The following SDK1 variants were observed in gnomAD, a reference collection of about 807,000 sequenced individuals.
The protein encoded by SDK1 is protein sidekick-1.
A neutral mutation model predicts 245.5 loss-of-function variants in SDK1; 157 were observed. The ratio of observed to expected loss-of-function variants is 0.64; its 90% CI spans 0.56 to 0.73. SDK1 has a LOEUF of 0.73. Among genes scored for constraint, SDK1 ranks in the 30% least tolerant of loss-of-function variants. The pLI is 0.00. For missense variants in SDK1, 3,583 were observed against 3,002.3 expected (o/e 1.19, Z -4.52); for synonymous variants, 1,647 against 1,278.5 (o/e 1.29, Z -6.15).
At chr7:3,756,699 T>C (rs1779943179) in intron 4 of SDK1, among the ~76,000 whole-genome samples, 2 of 152,236 alleles carry the variant, frequency 1.3e-5, no homozygotes, top group Non-Finnish European at 2.9e-5. Flanking sequence ...TGACCATTTT[T>C]ACTCTTTCTG....
chr7:3,312,439 A>G (rs889826739), intron 1 of SDK1, among the ~76,000 whole-genome samples: 2 of 152,168 alleles, frequency 1.3e-5, no homozygotes, highest in African/African-American at 2.4e-5. Context: ...TATGAAAGAG[A>G]TTAATTGCTT....
At chr7:4,050,828 C>G (rs1269133748) in intron 18 of SDK1, among the ~76,000 whole-genome samples, 1 of 146,762 alleles carries the variant, frequency 6.8e-6, no homozygotes, top group Non-Finnish European at 1.5e-5. Context: ...ATGGTTTCAT[C>G]TTTATTCTTT....
chr7:3,534,238 T>A (rs1475342767), intron 1 of SDK1, among the ~76,000 whole-genome samples: 3 of 152,180 alleles, frequency 2.0e-5, no homozygotes, highest in Non-Finnish European at 4.4e-5. Context: ...CTCTTTTTTT[T>A]AAGTTAATAT....
At chr7:3,698,491 G>A (rs1045543196) in intron 4 of SDK1, among the ~76,000 whole-genome samples, 4 of 152,160 alleles carry the variant, frequency 2.6e-5, no homozygotes, top group Admixed American at 1.3e-4. Flanking sequence ...TCTCAGTGGT[G>A]ACAAGGGCCC....
In SDK1 at chr7:4,145,715, C is replaced by A. The variant is rs144994327; in HGVS notation, c.4229-7C>A. 2 of 1,595,042 alleles carry A rather than the reference C, an allele frequency of 1.3e-6. No homozygotes were observed. The highest frequency in any genetic ancestry group is 2.2e-5 in the East Asian group (1 of 44,648). On this transcript the variant is annotated splice_region_variant and splice_polypyrimidine_tract_variant and intron_variant, in intron 28 of 44. Transcript: ENST00000404826. ...CAGCAGCTGTCTCCCATGTCACCTG[C>A]CTGCAGGGTACCAGATTGCCTACCG...
Position 3,572,433 on chromosome 7 carries a change from G to A in SDK1, c.299-46647G>A, listed in dbSNP as rs139527981. Reference sequence around the variant, plus strand: ...CAGTGGGTACCAAGACCTAGGCTTGGCGTAGGCATCACTTCTGACTGGGGA... The same window carrying A: ...CAGTGGGTACCAAGACCTAGGCTTGACGTAGGCATCACTTCTGACTGGGGA... On this transcript the variant is annotated intron_variant, in intron 1 of 44. Transcript: ENST00000404826. Among the ~76,000 whole-genome samples the A allele has an allele frequency of 1.1e-3, 165 of 152,072 alleles. 1 individual carries two copies. The highest frequency in any genetic ancestry group is 3.8e-3 in the African/African-American group (156 of 41,552).
chr7:3,476,289 C>G (rs773497370), intron 1 of SDK1, among the ~76,000 whole-genome samples: 28 of 152,204 alleles, frequency 1.8e-4, no homozygotes, highest in Non-Finnish European at 3.4e-4. Flanking sequence ...CCATCACCCA[C>G]AGCTGTTTGC....
chr7:4,110,711 G>C lies in SDK1; in HGVS notation c.3373G>C (p.Glu1125Gln). The C allele has an allele frequency of 6.2e-7, 1 of 1,614,054 alleles. No individual in the cohort carries two copies. Among genetic ancestry groups the C allele is most frequent in the Non-Finnish European group, 8.5e-7 (1 of 1,179,984 alleles). The stretch of plus-strand genomic sequence containing the variant: ...GGAGTGGGTCACCCTCTATGAAGAG[G>C]AGAATGAGCCTGATGCCCAGATGCT... ...EEEWVTLYEE[E>Q]NEPDAQMLEI... Residue 1125 changes from glutamate (E) to glutamine (Q), a missense_variant, in exon 23 of 45, where the codon GAG becomes CAG. Transcript: ENST00000404826.
At chr7:3,956,785 A>G (rs1562570065) in intron 7 of SDK1, among the ~76,000 whole-genome samples, 1 of 152,126 alleles carries the variant, frequency 6.6e-6, no homozygotes, top group Admixed American at 6.5e-5. Flanking sequence ...CACCACTTGG[A>G]GAGGAGCAGC....
At chr7:3,761,599 A>G (rs1470366220) in intron 4 of SDK1, among the ~76,000 whole-genome samples, 1 of 151,568 alleles carries the variant, frequency 6.6e-6, no homozygotes, top group Non-Finnish European at 1.5e-5. Flanking sequence ...TTGTACAAGG[A>G]TGAAGGTAGG....
chr7:3,914,513 T>G (rs1356811311), intron 5 of SDK1, among the ~76,000 whole-genome samples: 4 of 152,186 alleles, frequency 2.6e-5, no homozygotes, highest in Admixed American at 2.6e-4. Flanking sequence ...AAATGGTATG[T>G]TTGCAGTTGC....
chr7:4,074,719 C>T (rs1247481777), intron 20 of SDK1, among the ~76,000 whole-genome samples: 1 of 151,082 alleles, frequency 6.6e-6, no homozygotes, highest in African/African-American at 2.4e-5. Context: ...AAAAACTTGC[C>T]AGGCATGGTG....
intron 5 of SDK1, among the ~76,000 whole-genome samples, chr7:3,851,945 G>T (rs1466630385): frequency 6.6e-6 from 1 of 152,226 alleles, no homozygotes; most frequent in African/African-American, 2.4e-5. Context: ...TAGGAAAAAT[G>T]TGTTTGAAGT....
At chr7:3,381,426 G>A (rs566712011) in intron 1 of SDK1, among the ~76,000 whole-genome samples, 89 of 152,194 alleles carry the variant, frequency 5.8e-4, no homozygotes, top group African/African-American at 1.1e-3. Flanking sequence ...GTGAAGGGGG[G>A]CAAAGCAGTG....
At chr7:3,716,178 T>A (rs1785197366) in intron 4 of SDK1, among the ~76,000 whole-genome samples, 1 of 151,676 alleles carries the variant, frequency 6.6e-6, no homozygotes. Context: ...AACTTTAATT[T>A]TATTGGAGTT....
chr7:3,936,466 T>A (rs1780162576), intron 5 of SDK1, among the ~76,000 whole-genome samples: 1 of 151,576 alleles, frequency 6.6e-6, no homozygotes, highest in Non-Finnish European at 1.5e-5. Flanking sequence ...GTGCCTATAG[T>A]CCCAGCTACT....
intron 25 of SDK1, among the ~76,000 whole-genome samples, chr7:4,117,676 G>T (rs1783798750): frequency 6.6e-6 from 1 of 152,138 alleles, no homozygotes; most frequent in Admixed American, 6.5e-5. Context: ...CCCTGGTCCT[G>T]GGCCCAGCAG....
intron 40 of SDK1, among the ~76,000 whole-genome samples, chr7:4,229,381 G>C (rs1184570866): frequency 6.6e-6 from 1 of 152,212 alleles, no homozygotes; most frequent in African/African-American, 2.4e-5. Context: ...AATTCAGAAG[G>C]AAATTATCTC....
intron 4 of SDK1, among the ~76,000 whole-genome samples, chr7:3,653,402 G>C (rs1335871782): frequency 6.6e-6 from 1 of 152,152 alleles, no homozygotes; most frequent in Admixed American, 6.5e-5. Context: ...GATTGACAAG[G>C]TTTAGGGAGA....
Sources: allele counts gnomAD v4.1 joint callset (sites outside exome capture counted in the v4.1 genomes callset), GRCh38; gene constraint gnomAD v4.1.1; transcripts MANE v1.5; gene names NCBI Gene and HGNC (gene_info 2026-07-23, HGNC 2026-07-21).